Variants in RGS7 observed in about 807,000 individuals in gnomAD.
RGS7 encodes the protein regulator of G protein signaling 7.
In RGS7, 27 loss-of-function variants were observed where a neutral mutation model predicts 81.1. The ratio of observed to expected loss-of-function variants is 0.33; its 90% CI spans 0.25 to 0.46. RGS7 has a LOEUF of 0.46. RGS7 is among the 20% of genes least tolerant of loss of function. The pLI, the probability that RGS7 is intolerant of heterozygous loss-of-function variation, is 1.00. For synonymous variants in RGS7, 208 were observed against 207.7 expected (o/e 1.00, Z -0.01); for missense variants, 396 against 607.4 (o/e 0.65, Z 3.66).
intron 9 of RGS7, among the ~76,000 whole-genome samples, chr1:240,836,656 C>T (rs1204513359): frequency 6.6e-6 from 1 of 152,206 alleles, no homozygotes; most frequent in Non-Finnish European, 1.5e-5. Flanking sequence ...AAAGGGAATG[C>T]AACTCTTTAT....
intron 3 of RGS7, among the ~76,000 whole-genome samples, chr1:241,083,492 G>A (rs912456240): frequency 2.0e-5 from 3 of 152,108 alleles, no homozygotes; most frequent in Non-Finnish European, 4.4e-5. Context: ...CTCTTGTTCC[G>A]CAGCTCGATT....
intron 6 of RGS7, chr1:240,920,191 T>C (rs1673271155): frequency 1.8e-6 from 2 of 1,090,888 alleles, no homozygotes; most frequent in South Asian, 1.2e-5. Flanking sequence ...AGGAAAGCCC[T>C]GTCAAAGCAA....
At chr1:240,813,392 G>A (rs1377425739) in intron 13 of RGS7, among the ~76,000 whole-genome samples, 1 of 152,016 alleles carries the variant, frequency 6.6e-6, no homozygotes, top group Non-Finnish European at 1.5e-5. Context: ...CTAATTTTGG[G>A]ACGGTCTTTC....
chr1:240,944,531 A>G (rs1256897834), intron 4 of RGS7, among the ~76,000 whole-genome samples: 2 of 151,952 alleles, frequency 1.3e-5, no homozygotes, highest in African/African-American at 2.4e-5. Flanking sequence ...GGAAGAAAGT[A>G]GGGCACTGAA....
chr1:241,067,524 A>ATTT (rs11438337), intron 3 of RGS7, among the ~76,000 whole-genome samples: 5 of 147,212 alleles, frequency 3.4e-5, no homozygotes, highest in Non-Finnish European at 6.0e-5. Flanking sequence ...GAATAATGAG[A>ATTT]TTTTTTTTTT....
At chr1:241,301,558 G>C (rs1197535709) in intron 2 of RGS7, among the ~76,000 whole-genome samples, 1 of 152,232 alleles carries the variant, frequency 6.6e-6, no homozygotes, top group African/African-American at 2.4e-5. Context: ...AGTGTTTGCT[G>C]AAGGACAATG....
chr1:241,025,306 C>T (rs1294620385), intron 3 of RGS7, among the ~76,000 whole-genome samples: 2 of 152,156 alleles, frequency 1.3e-5, no homozygotes, highest in East Asian at 3.9e-4. Flanking sequence ...GCTATCTAAG[C>T]TTTACTGAAT....
intron 2 of RGS7, among the ~76,000 whole-genome samples, chr1:241,111,611 C>T (rs2102953359): frequency 6.8e-6 from 1 of 147,336 alleles, no homozygotes; most frequent in Non-Finnish European, 1.5e-5. Context: ...CCCCCCCTCT[C>T]TACAAGTAAA....
chr1:241,299,904 G>A (rs2079634273), intron 2 of RGS7, among the ~76,000 whole-genome samples: 1 of 117,048 alleles, frequency 8.5e-6, no homozygotes, highest in Admixed American at 1.2e-4. Context: ...GAGTCCAGGA[G>A]CCTAGGTAAC....
chr1:241,180,243 C>T (rs35355326), intron 2 of RGS7, among the ~76,000 whole-genome samples: 66,805 of 151,730 alleles, frequency 0.44, 15,010 homozygotes, highest in Middle Eastern at 0.47. Context: ...GGCCTGGTGG[C>T]GGGTGCCTGT....
chr1:241,127,742 T>G (rs2066772811), intron 2 of RGS7, among the ~76,000 whole-genome samples: 1 of 152,104 alleles, frequency 6.6e-6, no homozygotes, highest in Non-Finnish European at 1.5e-5. Flanking sequence ...CAATTGAAAT[T>G]AATAGAAGTA....
At chr1:240,972,464 C>T (rs2148514155) in intron 4 of RGS7, among the ~76,000 whole-genome samples, 1 of 136,180 alleles carries the variant, frequency 7.3e-6, no homozygotes, top group East Asian at 2.2e-4. Context: ...CCAAACACCG[C>T]ATATTCTCAC....
At chr1:240,814,497 T>C (rs1174919496) in intron 12 of RGS7, among the ~76,000 whole-genome samples, 1 of 152,226 alleles carries the variant, frequency 6.6e-6, no homozygotes, top group Non-Finnish European at 1.5e-5. Flanking sequence ...ACTGGATGTC[T>C]AGACATTTAA....
At chr1:240,819,797 G>C (rs1691461241) in intron 10 of RGS7, among the ~76,000 whole-genome samples, 1 of 152,158 alleles carries the variant, frequency 6.6e-6, no homozygotes, top group South Asian at 2.1e-4. Context: ...CAAACCATTG[G>C]GAGGTGTTGC....
intron 2 of RGS7, among the ~76,000 whole-genome samples, chr1:241,284,865 TTTTG>T (rs1303739816): frequency 2.0e-5 from 3 of 151,826 alleles, no homozygotes; most frequent in Non-Finnish European, 4.4e-5. Context: ...CTTTGTTTTT[TTTTG>T]TTTGTTTGTT....
At chr1:241,145,803 C>T (rs1417691566) in intron 2 of RGS7, among the ~76,000 whole-genome samples, 1 of 152,064 alleles carries the variant, frequency 6.6e-6, no homozygotes, top group Non-Finnish European at 1.5e-5. Context: ...TTCTGTGATG[C>T]CATGATCTTA....
intron 2 of RGS7, among the ~76,000 whole-genome samples, chr1:241,134,886 C>A (rs1044497202): frequency 6.6e-6 from 1 of 152,084 alleles, no homozygotes; most frequent in Non-Finnish European, 1.5e-5. Context: ...CAGCGTGGGT[C>A]AGCAAGACAG....
intron 2 of RGS7, among the ~76,000 whole-genome samples, chr1:241,142,044 A>C (rs907830154): frequency 2.0e-5 from 3 of 152,242 alleles, no homozygotes; most frequent in African/African-American, 4.8e-5. Flanking sequence ...AGGGCAGTCA[A>C]ATCTTAAAGC....
Position 240,873,155 on chromosome 1 carries a change from T to G in RGS7, c.386-3036A>C, listed in dbSNP as rs115603435. Among the ~76,000 whole-genome samples the G allele has an allele frequency of 8.7e-3, 1,321 of 152,202 alleles. 25 individuals are homozygous for G. The highest frequency in any genetic ancestry group is 0.031 in the African/African-American group (1,272 of 41,548). On this transcript the variant is annotated intron_variant, in intron 6 of 18. Coordinates refer to ENST00000440928, the MANE Select transcript of RGS7 (RefSeq NM_001364886.1). ...GTGCTTTTGTGCCAATCCTAATTAT[T>G]TTGGCACTGAACATGCTCTATATGG...
Sources: gnomAD v4.1 joint callset for allele counts (sites outside exome capture counted in the v4.1 genomes callset) on GRCh38, gnomAD v4.1.1 for gene constraint, MANE v1.5 for transcripts, NCBI Gene and HGNC (gene_info 2026-07-23, HGNC 2026-07-21) for gene names.